The following CARMIL1 variants were observed in gnomAD, a reference collection of about 807,000 sequenced individuals.
CARMIL1 encodes capping protein regulator and myosin 1 linker 1.
A neutral mutation model predicts 177.1 loss-of-function variants in CARMIL1; 90 were observed. The observed-to-expected ratio is 0.51, with a 90% confidence interval of 0.43 to 0.61. The LOEUF (loss-of-function observed/expected upper bound fraction) is 0.61. Ranked by LOEUF, CARMIL1 falls within the 20% of genes least tolerant of loss-of-function variation. The probability of loss-of-function intolerance (pLI) is 0.00; values close to 1 mark genes in which losing one functional copy is unlikely to be tolerated. For missense variants in CARMIL1, 1,380 were observed against 1,667.0 expected (o/e 0.83, Z 3.00); for synonymous variants, 577 against 606.2 (o/e 0.95, Z 0.71).
chr6:25,293,685 CTCCTTTCCCTTCCTT>C (rs1782168877), intron 2 of CARMIL1, among the ~76,000 whole-genome samples: 1 of 151,890 alleles, frequency 6.6e-6, no homozygotes, highest in African/African-American at 2.4e-5. Flanking sequence ...TTCCCTTCCT[CTCCTTTCCCTTCCTT>C]TCCCCCTTCC....
chr6:25,291,705 G>A (rs1460396385), intron 2 of CARMIL1, among the ~76,000 whole-genome samples: 2 of 152,106 alleles, frequency 1.3e-5, no homozygotes, highest in Non-Finnish European at 2.9e-5. Flanking sequence ...TATTTTGGGA[G>A]TTCATAGTTA....
At chr6:25,348,525 T>G (rs148635052) in intron 2 of CARMIL1, among the ~76,000 whole-genome samples, 8,523 of 152,030 alleles carry the variant, frequency 0.056, 281 homozygotes, top group Non-Finnish European at 0.088. Flanking sequence ...GGCTCACGCC[T>G]GTAATCTGAG....
chr6:25,405,765 G>A (rs1204711180), intron 2 of CARMIL1, among the ~76,000 whole-genome samples: 1 of 152,184 alleles, frequency 6.6e-6, no homozygotes, highest in Non-Finnish European at 1.5e-5. Flanking sequence ...TTTTAAGTGG[G>A]TAAGCTGCAA....
intron 11 of CARMIL1, among the ~76,000 whole-genome samples, chr6:25,474,351 G>A (rs1473850322): frequency 4.0e-5 from 6 of 151,742 alleles, no homozygotes; most frequent in Non-Finnish European, 8.8e-5. Context: ...TCCTGACCTC[G>A]TGATCCACCC....
At chr6:25,561,860 T>G (rs890302584) in intron 29 of CARMIL1, among the ~76,000 whole-genome samples, 2 of 152,176 alleles carry the variant, frequency 1.3e-5, no homozygotes, top group South Asian at 2.1e-4. Flanking sequence ...AATGTCTTTT[T>G]CTTACTGATA....
chr6:25,571,478 T>C (rs1404334752), intron 29 of CARMIL1, among the ~76,000 whole-genome samples: 2 of 152,226 alleles, frequency 1.3e-5, no homozygotes, highest in Non-Finnish European at 2.9e-5. Flanking sequence ...GTTCTGATCA[T>C]ATCCATTAAT....
intron 2 of CARMIL1, among the ~76,000 whole-genome samples, chr6:25,412,137 T>G (rs1245943123): frequency 6.6e-6 from 1 of 152,246 alleles, no homozygotes; most frequent in Non-Finnish European, 1.5e-5. Context: ...AGACCTAAAA[T>G]TTTATTATGA....
chr6:25,601,322 T>C (rs1393267547), intron 33 of CARMIL1, among the ~76,000 whole-genome samples: 1 of 152,190 alleles, frequency 6.6e-6, no homozygotes, highest in African/African-American at 2.4e-5. Context: ...GACTCCGGTC[T>C]TTCCCCACCT....
intron 2 of CARMIL1, among the ~76,000 whole-genome samples, chr6:25,342,314 G>A (rs1787029930): frequency 6.6e-6 from 1 of 152,168 alleles, no homozygotes; most frequent in Non-Finnish European, 1.5e-5. Flanking sequence ...GAGAGGATGG[G>A]AGTGACTTTC....
intron 24 of CARMIL1, among the ~76,000 whole-genome samples, chr6:25,535,701 G>A (rs212931): frequency 0.18 from 27,059 of 152,076 alleles, 2,575 homozygotes; most frequent in Middle Eastern, 0.23. Flanking sequence ...TTTATTTTTC[G>A]TATTTATGTA....
At chr6:25,403,342 C>T (rs2150589774) in intron 2 of CARMIL1, among the ~76,000 whole-genome samples, 1 of 152,300 alleles carries the variant, frequency 6.6e-6, no homozygotes, top group East Asian at 1.9e-4. Context: ...GCTTAACCAT[C>T]ACCATCTCTC....
At chr6:25,474,799 T>G (rs1229561037) in intron 11 of CARMIL1, among the ~76,000 whole-genome samples, 1 of 152,188 alleles carries the variant, frequency 6.6e-6, no homozygotes, top group Non-Finnish European at 1.5e-5. Context: ...TATTTTTGGT[T>G]TTGTTTTTAA....
intron 29 of CARMIL1, among the ~76,000 whole-genome samples, chr6:25,574,344 A>G (rs1468689007): frequency 2.6e-5 from 4 of 152,222 alleles, no homozygotes; most frequent in Non-Finnish European, 4.4e-5. Context: ...CCACCTGTTA[A>G]CATGTTAGAA....
intron 2 of CARMIL1, among the ~76,000 whole-genome samples, chr6:25,368,171 C>G (rs1158965105): frequency 6.6e-6 from 1 of 152,188 alleles, no homozygotes; most frequent in African/African-American, 2.4e-5. Flanking sequence ...AACCCTGATC[C>G]TTACTGGAGT....
intron 26 of CARMIL1, among the ~76,000 whole-genome samples, chr6:25,542,072 T>C (rs1299973455): frequency 6.6e-6 from 1 of 152,206 alleles, no homozygotes; most frequent in Non-Finnish European, 1.5e-5. Context: ...CCTAATTTGT[T>C]TCATTAAAGT....
In CARMIL1 at chr6:25,619,501, G is replaced by T. The variant is rs994391589; in HGVS notation, c.4034G>T (p.Arg1345Leu). Residue 1345 changes from arginine (R) to leucine (L), a missense_variant, in exon 37 of 37, where the codon CGG (arginine) becomes CTG (leucine). By Grantham distance (102) the Arg-to-Leu change is moderately radical (BLOSUM62 -2). Coordinates refer to ENST00000329474, the MANE Select transcript of CARMIL1 (RefSeq NM_017640.6). ...QAQEYQEQKQ[R>L]SSSKDGHQGS... Reference sequence around the variant, plus strand: ...CAGGAGTATCAAGAACAAAAGCAACGGTCCTCCAGTAAAGATGGCCATCAA... The same window carrying T: ...CAGGAGTATCAAGAACAAAAGCAACTGTCCTCCAGTAAAGATGGCCATCAA... 8 of 1,613,768 alleles carry T rather than the reference G, an allele frequency of 5.0e-6. No homozygotes were observed. Among genetic ancestry groups the T allele is most frequent in the Non-Finnish European group, 5.9e-6 (7 of 1,179,812 alleles).
chr6:25,541,090 TC>T (rs1808847030), intron 26 of CARMIL1, among the ~76,000 whole-genome samples: 1 of 152,224 alleles, frequency 6.6e-6, no homozygotes, highest in Non-Finnish European at 1.5e-5. Flanking sequence ...ACTTGTTTTA[TC>T]CTGCATGAAG....
rs184930072 is a variant in CARMIL1, at chr6:25,421,263, A to G, written c.189+1099A>G. Reference sequence around the variant, plus strand: ...GAAGACATTTATGCAGCCAAAAAACACATGAAAAAATGCTCACCATCACTG... The same window carrying G: ...GAAGACATTTATGCAGCCAAAAAACGCATGAAAAAATGCTCACCATCACTG... On this transcript the variant is annotated intron_variant, in intron 3 of 36. Transcript: ENST00000329474. 2.0e-3 allele frequency among the ~76,000 whole-genome samples: 302 copies of G among 152,362 alleles called. 3 individuals carry two copies. The highest frequency in any genetic ancestry group is 6.7e-3 in the African/African-American group (279 of 41,586).
rs576891297 is a variant in CARMIL1, at chr6:25,594,043, A to ATTC, written c.3007-371_3007-370insTCT. The stretch of plus-strand genomic sequence containing the variant: ...CCACACACCTCAGGGCCCTGGAGTC[A>ATTC]TCACCACTCTCAGAAGTCAGTGCGT... On this transcript the variant is annotated intron_variant, in intron 31 of 36. Coordinates refer to ENST00000329474, the MANE Select transcript of CARMIL1 (RefSeq NM_017640.6). Among the ~76,000 whole-genome samples the ATTC allele has an allele frequency of 2.2e-3, 338 of 152,272 alleles. 9 individuals carry two copies. The East Asian group carries it at 0.058, about 26-fold the overall frequency.
Sources: gnomAD v4.1 joint callset for allele counts (sites outside exome capture counted in the v4.1 genomes callset) on GRCh38, gnomAD v4.1.1 for gene constraint, MANE v1.5 for transcripts, NCBI Gene and HGNC (gene_info 2026-07-23, HGNC 2026-07-21) for gene names.